The following GABBR2 variants were observed in gnomAD, a reference collection of about 807,000 sequenced individuals.
GABBR2 encodes the protein gamma-aminobutyric acid type B receptor subunit 2.
In GABBR2, 23 loss-of-function variants were observed where a neutral mutation model predicts 105.6. That is an observed-to-expected ratio of 0.22 (90% CI 0.16 to 0.31). GABBR2 has a LOEUF of 0.31. Ranked by LOEUF, GABBR2 falls within the 10% of genes least tolerant of loss-of-function variation. The pLI is 1.00. For missense variants in GABBR2, 734 were observed against 1,245.5 expected (o/e 0.59, Z 6.18); for synonymous variants, 478 against 499.7 (o/e 0.96, Z 0.58).
Position 98,359,478 on chromosome 9 carries a change from G to A in GABBR2, c.1893+3237C>T, listed in dbSNP as rs562544136. ...TAAATCGATCAATATTTATGGCACA[G>A]AAATGAATAAGGATGGGGGACTGGG... On this transcript the variant is annotated intron_variant, in intron 13 of 18. Coordinates refer to ENST00000259455, the MANE Select transcript of GABBR2 (RefSeq NM_005458.8). 2.0e-5 allele frequency among the ~76,000 whole-genome samples: 3 copies of A among 152,250 alleles called. No homozygotes were observed. In the South Asian group the frequency reaches 6.2e-4, roughly 32 times the overall value.
At position 98,480,995 on chromosome 9, in the gene GABBR2, C is replaced by A. The variant is rs766129384; in HGVS notation, c.735G>T (p.Gly245=). 5 of 1,595,086 alleles carry A rather than the reference C, an allele frequency of 3.1e-6. No homozygotes were observed. The highest frequency in any genetic ancestry group is 3.4e-6 in the Non-Finnish European group (4 of 1,162,672). ...GGCCAAGGATGATCCGCACATCATT[C>A]CCCTGTGGATGGAAGGACACATCAT... ...DPCTSVKKLK[G]NDVRIILGQF... Residue 245 remains glycine, a splice_region_variant and synonymous_variant, in exon 5 of 19, where the codon GGG becomes GGT. Transcript: ENST00000259455.
chr9:98,311,037 G>T (rs1372432236), intron 14 of GABBR2, 58 bp downstream of exon 14: 3 of 915,934 alleles, frequency 3.3e-6, no homozygotes, highest in African/African-American at 1.6e-5. Context: ...GCCCCTGGGA[G>T]ACAGAGGCCC....
intron 2 of GABBR2, among the ~76,000 whole-genome samples, chr9:98,550,726 G>A (rs1037242272): frequency 4.6e-5 from 7 of 152,166 alleles, no homozygotes; most frequent in African/African-American, 1.4e-4. Flanking sequence ...AAGATTGTAA[G>A]CTCTGCCCTG....
At chr9:98,331,750 C>T (rs1023653439) in intron 13 of GABBR2, among the ~76,000 whole-genome samples, 6 of 152,144 alleles carry the variant, frequency 3.9e-5, no homozygotes, top group African/African-American at 1.4e-4. Flanking sequence ...GATGTGCGAG[C>T]CAGTGAGTGT....
At chr9:98,693,869 C>T (rs1393016318) in intron 1 of GABBR2, among the ~76,000 whole-genome samples, 1 of 152,252 alleles carries the variant, frequency 6.6e-6, no homozygotes, top group African/African-American at 2.4e-5. Flanking sequence ...CAGGCCACAG[C>T]ATGCAGAGAA....
At chr9:98,535,774 A>G (rs1331441522) in intron 3 of GABBR2, among the ~76,000 whole-genome samples, 2 of 152,210 alleles carry the variant, frequency 1.3e-5, no homozygotes, top group South Asian at 2.1e-4. Flanking sequence ...AAATAAGCCA[A>G]TCTGAAAAGG....
At chr9:98,406,962 G>C (rs1313944876) in intron 7 of GABBR2, among the ~76,000 whole-genome samples, 4 of 152,160 alleles carry the variant, frequency 2.6e-5, no homozygotes, top group Admixed American at 6.5e-5. Context: ...AGTGATAAGG[G>C]GATGACCCCC....
At chr9:98,393,029 C>CCCAACCATCCATCCATCCATCCAT (rs796720120) in intron 9 of GABBR2, among the ~76,000 whole-genome samples, 5 of 123,168 alleles carry the variant, frequency 4.1e-5, no homozygotes, top group African/African-American at 1.6e-4. Flanking sequence ...CATGCATCCA[C>CCCAACCATCCATCCATCCATCCAT]CCATCCATCC....
At chr9:98,499,923 C>T (rs550921087) in intron 3 of GABBR2, among the ~76,000 whole-genome samples, 127 of 152,122 alleles carry the variant, frequency 8.3e-4, no homozygotes, top group African/African-American at 2.8e-3. Flanking sequence ...ATTAGTGGCA[C>T]GTGCCTGTAA....
intron 1 of GABBR2, among the ~76,000 whole-genome samples, chr9:98,587,264 C>A (rs547163562): frequency 6.6e-6 from 1 of 152,102 alleles, no homozygotes; most frequent in Non-Finnish European, 1.5e-5. Flanking sequence ...CAGAGCACTC[C>A]CAGCCACAAT....
At chr9:98,590,563 CAA>C (rs1223892358) in intron 1 of GABBR2, among the ~76,000 whole-genome samples, 1 of 152,256 alleles carries the variant, frequency 6.6e-6, no homozygotes, top group Non-Finnish European at 1.5e-5. Context: ...GTCACAAACA[CAA>C]AGTGTACTCG....
chr9:98,574,975 G>A (rs949744050), intron 2 of GABBR2, among the ~76,000 whole-genome samples: 1 of 152,190 alleles, frequency 6.6e-6, no homozygotes, highest in Non-Finnish European at 1.5e-5. Context: ...TCATTGAGCA[G>A]ATTTCTAATG....
In GABBR2 at chr9:98,435,508, G is replaced by A. The variant is rs1019334593; in HGVS notation, c.1236+18473C>T. ...ATGGCTGATACCAGCATCCCTGCAG[G>A]TGCTGTTGCTTTGCTCTGACCTGCT... On this transcript the variant is annotated intron_variant, in intron 7 of 18. Coordinates refer to ENST00000259455, the MANE Select transcript of GABBR2 (RefSeq NM_005458.8). 3.3e-5 allele frequency among the ~76,000 whole-genome samples: 5 copies of A among 152,094 alleles called. No homozygotes were observed. In the South Asian group the frequency reaches 1.0e-3, roughly 32 times the overall value.
chr9:98,415,293 G>A (rs1832668280), intron 7 of GABBR2, among the ~76,000 whole-genome samples: 1 of 152,126 alleles, frequency 6.6e-6, no homozygotes, highest in Non-Finnish European at 1.5e-5. Flanking sequence ...TTAAAAAGAT[G>A]TGATAAGGAG....
chr9:98,499,275 G>C (rs1395574443), intron 3 of GABBR2, among the ~76,000 whole-genome samples: 1 of 152,220 alleles, frequency 6.6e-6, no homozygotes, highest in Non-Finnish European at 1.5e-5. Flanking sequence ...ATGTTTTATA[G>C]GTGGTCAGAA....
chr9:98,298,393 T>C (rs765558426), intron 17 of GABBR2, among the ~76,000 whole-genome samples: 3 of 152,210 alleles, frequency 2.0e-5, no homozygotes, highest in Non-Finnish European at 4.4e-5. Context: ...CAGACAGCAC[T>C]GTGATGAACA....
At chr9:98,513,309 G>A (rs1827689243) in intron 3 of GABBR2, among the ~76,000 whole-genome samples, 1 of 152,138 alleles carries the variant, frequency 6.6e-6, no homozygotes, top group Non-Finnish European at 1.5e-5. Flanking sequence ...AACCCTAGAA[G>A]AAAACCTAGG....
intron 1 of GABBR2, among the ~76,000 whole-genome samples, chr9:98,645,465 T>A (rs767125688): frequency 6.6e-6 from 1 of 152,198 alleles, no homozygotes; most frequent in African/African-American, 2.4e-5. Flanking sequence ...GTTACTATCA[T>A]CAGAGTGTTG....
intron 1 of GABBR2, chr9:98,608,042 G>A (rs1217783607): frequency 7.7e-7 from 1 of 1,306,042 alleles, no homozygotes; most frequent in Non-Finnish European, 1.1e-6. Context: ...TAGAGGATGA[G>A]AAAGCAAACT....
Sources: allele counts gnomAD v4.1 joint callset (sites outside exome capture counted in the v4.1 genomes callset), GRCh38; gene constraint gnomAD v4.1.1; transcripts MANE v1.5; gene names NCBI Gene and HGNC (gene_info 2026-07-23, HGNC 2026-07-21).